Variants in PUS7L observed in about 807,000 individuals in gnomAD.
PUS7L encodes the protein pseudouridine synthase 7 like, also known as pseudouridylate synthase PUS7L.
A neutral mutation model predicts 51.1 loss-of-function variants in PUS7L; 49 were observed. That is an observed-to-expected ratio of 0.96 (90% confidence interval 0.76 to 1.22). PUS7L has a LOEUF of 1.22. PUS7L is among the 50% of genes most tolerant of loss of function. PUS7L has a pLI of 0.00. For missense variants in PUS7L, 828 were observed against 820.6 expected, an observed-to-expected ratio of 1.01 and a Z score of -0.11; for synonymous variants, 277 against 276.2, an observed-to-expected ratio of 1.00 and a Z score of -0.03.
At chr12:43,756,823 CCTG>C (rs1445552830) in intron 1 of PUS7L, among the ~76,000 whole-genome samples, 1 of 152,188 alleles carries the variant, frequency 6.6e-6, no homozygotes, top group Non-Finnish European at 1.5e-5. Flanking sequence ...GTCCCTAACT[CCTG>C]CTTCTATAAC....
At position 43,736,583 on chromosome 12, in the gene PUS7L, A is replaced by G; in HGVS notation, c.1523T>C (p.Phe508Ser). 1.9e-6 allele frequency: 3 copies of G among 1,614,116 alleles called. No homozygotes were observed. The highest frequency in any genetic ancestry group is 1.1e-5 in the South Asian group (1 of 91,090). The change falls in exon 7 of 9, where the codon TTT becomes TCT. Residue 508 changes from phenylalanine (F) to serine (S), a missense_variant. Transcript: ENST00000344862. Reference protein sequence around the residue: ...ERALLEALHRFGMTEEGCIQA... With the variant: ...ERALLEALHRSGMTEEGCIQA... ...GATACAACCTTCCTCGGTCATGCCA[A>G]AGCGGTGCAATGCCTCCAACAATGC...
intron 4 of PUS7L, 66 bp from the exon 5 acceptor site, chr12:43,742,621 T>A (rs554952777): frequency 6.8e-7 from 1 of 1,479,172 alleles, no homozygotes; most frequent in Non-Finnish European, 9.0e-7. Flanking sequence ...AAATACACAA[T>A]TGAATTTTTC....
Position 43,723,384 on chromosome 12 carries a change from G to T in PUS7L, c.*6992C>A, listed in dbSNP as rs1427725445. The T allele has an allele frequency of 6.6e-6, 1 of 152,060 alleles. No homozygotes were observed. The highest frequency in any genetic ancestry group is 1.5e-5 in the Non-Finnish European group (1 of 67,940). 9.4% of individuals were successfully genotyped at this position (152,060 alleles called of 1,614,324 possible). On this transcript the variant is annotated 3_prime_UTR_variant, in exon 9 of 9. Transcript: ENST00000344862. ...CAGCATTTAGACTGAATAGTTCAAA[G>T]CATATTTTAAGAGGAGATCTCAAGA...
rs550487093 is a variant in PUS7L, at chr12:43,741,519, C to A, written c.1362+938G>T. Among the ~76,000 whole-genome samples the A allele has an allele frequency of 2.6e-5, 4 of 152,250 alleles. No homozygotes were observed. The South Asian group carries it at 6.2e-4, about 24-fold the overall frequency. ...AGAACATCTGCTGCATCCAACAGGCCCCAAACTATTAAGTTCTTCTTCTGT... is the reference window on the plus strand; with the variant it reads ...AGAACATCTGCTGCATCCAACAGGCACCAAACTATTAAGTTCTTCTTCTGT... On this transcript the variant is annotated intron_variant, in intron 5 of 8. Transcript: ENST00000344862.
rs574963842 is a variant in PUS7L at position 43,732,734 on chromosome 12, G to T, written c.1726-976C>A. Among the ~76,000 whole-genome samples the T allele has an allele frequency of 5.9e-5, 9 of 152,236 alleles. No homozygotes were observed. In the South Asian group the frequency reaches 1.7e-3, roughly 28 times the overall value. ...GTCTAGAGCCCCTCTAAATCTACCT[G>T]ATTTCCCCTCAACTCTCCCTAGTCT... On this transcript the variant is annotated intron_variant, in intron 7 of 8. Transcript: ENST00000344862.
rs1324922576 is a variant in PUS7L, at chr12:43,723,241, G to C, written c.*7135C>G. 1 of 152,052 alleles carries C rather than the reference G, an allele frequency of 6.6e-6. No individual in the cohort carries two copies. The highest frequency in any genetic ancestry group is 1.5e-5 in the Non-Finnish European group (1 of 67,960). The allele number at this position is 152,052 out of a possible 1,614,324, so 9.4% of individuals were successfully genotyped here. A position where few individuals can be genotyped will look rare whatever the true frequency, so the allele number is the denominator to read the frequency against. ...GTTGCTGAGAAAATGAATTGCTTAA[G>C]AAGATTAGAGTCATTTTCTTTACTT... On this transcript the variant is annotated 3_prime_UTR_variant, in exon 9 of 9. Transcript: ENST00000344862.
chr12:43,745,022 A>C (rs943806163), intron 4 of PUS7L, among the ~76,000 whole-genome samples: 2 of 152,216 alleles, frequency 1.3e-5, no homozygotes, highest in Non-Finnish European at 2.9e-5. Context: ...TTTTGTAAAT[A>C]AAGTTTTATT....
Position 43,731,860 on chromosome 12 carries a change from G to A in PUS7L, c.1726-102C>T, listed in dbSNP as rs538076018. 17 of 688,708 alleles carry A rather than the reference G, an allele frequency of 2.5e-5. No homozygotes were observed. The East Asian group carries it at 4.6e-4, about 19-fold the overall frequency. The allele number at this position is 688,708 out of a possible 1,614,324, so 42.7% of individuals were successfully genotyped here. A position where few individuals can be genotyped will look rare whatever the true frequency, so the allele number is the denominator to read the frequency against. ...CTATTATATATAAATCAGTTCCTAT[G>A]CTGAATATACATAAACCCAAACAAG... is the stretch of plus-strand genomic sequence containing the variant. On this transcript the variant is annotated intron_variant, in intron 7 of 8. Transcript: ENST00000344862.
chr12:43,737,262 C>T (rs1240407287), intron 6 of PUS7L, among the ~76,000 whole-genome samples: 1 of 152,056 alleles, frequency 6.6e-6, no homozygotes, highest in Non-Finnish European at 1.5e-5. Flanking sequence ...GAATCATTGC[C>T]ATAAGGAAAT....
chr12:43,733,618 G>A (rs1207385979), intron 7 of PUS7L, among the ~76,000 whole-genome samples: 1 of 152,180 alleles, frequency 6.6e-6, no homozygotes. Context: ...GTTGTATCTT[G>A]TGAAAGTAAT....
At chr12:43,733,681 C>T (rs989562416) in intron 7 of PUS7L, among the ~76,000 whole-genome samples, 5 of 152,170 alleles carry the variant, frequency 3.3e-5, no homozygotes, top group Non-Finnish European at 5.9e-5. Context: ...AATTAGTGTG[C>T]TTTCCAATAT....
At chr12:43,733,981 C>T (rs73280406) in intron 7 of PUS7L, among the ~76,000 whole-genome samples, 2,385 of 152,156 alleles carry the variant, frequency 0.016, 72 homozygotes, top group African/African-American at 0.053. Context: ...AAAGTGAAGC[C>T]GACATCTGAT....
chr12:43,757,264 G>A (rs777291275), intron 1 of PUS7L, among the ~76,000 whole-genome samples: 1 of 152,096 alleles, frequency 6.6e-6, no homozygotes, highest in Non-Finnish European at 1.5e-5. Context: ...TCCGCCTCCC[G>A]AGTTCGAGCG....
chr12:43,743,302 T>C (rs907819274), intron 4 of PUS7L, among the ~76,000 whole-genome samples: 3 of 152,226 alleles, frequency 2.0e-5, no homozygotes, highest in Non-Finnish European at 4.4e-5. Context: ...AGACAGTTTC[T>C]TGAAAGACAA....
At chr12:43,735,661 TGAAAACATACA>T (rs1484926239) in intron 7 of PUS7L, among the ~76,000 whole-genome samples, 2 of 152,162 alleles carry the variant, frequency 1.3e-5, no homozygotes, top group Admixed American at 6.5e-5. Flanking sequence ...GATATTTATG[TGAAAACATACA>T]GAAAGGTCTA....
chr12:43,724,188 T>C lies in PUS7L; in HGVS notation c.*6188A>G, dbSNP rs1944427981. On this transcript the variant is annotated 3_prime_UTR_variant, in exon 9 of 9. Transcript: ENST00000344862. ...TTCTTTTTGTTCTCTTAAAGATTAC[T>C]CCCAGGTAGAAAACGTTAAGGAACA... 6.6e-6 allele frequency: 1 copy of C among 151,992 alleles called. No individual in the cohort carries two copies. Among genetic ancestry groups the C allele is most frequent in the Non-Finnish European group, 1.5e-5 (1 of 67,932 alleles). The allele number at this position is 151,992 out of a possible 1,614,324, so 9.4% of individuals were successfully genotyped here. A position where few individuals can be genotyped will look rare whatever the true frequency, so the allele number is the denominator to read the frequency against.
intron 4 of PUS7L, among the ~76,000 whole-genome samples, chr12:43,744,902 A>C (rs1938091550): frequency 6.6e-6 from 1 of 152,330 alleles, no homozygotes; most frequent in East Asian, 1.9e-4. Flanking sequence ...TCAGGAGTAG[A>C]TATCAATGGG....
At chr12:43,749,326 G>A (rs1460862758) in intron 2 of PUS7L, among the ~76,000 whole-genome samples, 1 of 152,074 alleles carries the variant, frequency 6.6e-6, no homozygotes, top group East Asian at 1.9e-4. Flanking sequence ...TATGTTCATT[G>A]CAGCGCTATT....
chr12:43,747,511 T>C (rs530143570), intron 3 of PUS7L, among the ~76,000 whole-genome samples: 9 of 152,050 alleles, frequency 5.9e-5, no homozygotes, highest in Admixed American at 2.0e-4. Context: ...CTGGCCAACA[T>C]GGTGAAACCC....
Sources: allele counts gnomAD v4.1 joint callset (sites outside exome capture counted in the v4.1 genomes callset), GRCh38; gene constraint gnomAD v4.1.1; transcripts MANE v1.5; gene names NCBI Gene and HGNC (gene_info 2026-07-23, HGNC 2026-07-21).